Variants in RUFY1 observed in about 807,000 individuals in gnomAD.
RUFY1 encodes the protein RUN and FYVE domain containing 1.
In RUFY1, 54 loss-of-function variants were observed where a neutral mutation model predicts 94.6. The ratio of observed to expected loss-of-function variants is 0.57; its 90% confidence interval spans 0.46 to 0.72. The LOEUF (loss-of-function observed/expected upper bound fraction) is 0.72. Ranked by LOEUF, RUFY1 falls within the 30% of genes least tolerant of loss-of-function variation. RUFY1 has a pLI of 0.00. For synonymous variants in RUFY1, 396 were observed against 347.3 expected (o/e 1.14, Z -1.56); for missense variants, 883 against 883.9 (o/e 1.00, Z 0.01).
intron 3 of RUFY1, 127 bp from the exon 4 acceptor site, chr5:179,567,334 C>T (rs546405436): frequency 4.3e-6 from 3 of 701,136 alleles, no homozygotes; most frequent in Non-Finnish European, 2.5e-6. Context: ...CCCCAAACAG[C>T]CATTCTTAGA....
chr5:179,565,187 TTTTTG>T (rs1762751217), intron 3 of RUFY1, among the ~76,000 whole-genome samples: 1 of 142,786 alleles, frequency 7.0e-6, no homozygotes, highest in Admixed American at 7.1e-5. Flanking sequence ...TTTTTTTTTT[TTTTTG>T]AGACAGAGTC....
intron 8 of RUFY1, chr5:179,589,237 G>C: frequency 3.1e-6 from 1 of 324,468 alleles, no homozygotes; most frequent in Non-Finnish European, 5.8e-6. Context: ...GAACATTCAG[G>C]CTGTTTCTAA....
chr5:179,591,657 G>GA lies in RUFY1; in HGVS notation c.1162dup (p.Thr388AsnfsTer11). 6.2e-7 allele frequency: 1 copy of GA among 1,613,150 alleles called. No homozygotes were observed. Among genetic ancestry groups the GA allele is most frequent in the Non-Finnish European group, 8.5e-7 (1 of 1,179,656 alleles). ...AACAGGATACCAAAGTTGAGCTGGA[G>GA]ACTTACAAGCAAACTCGGCAAGGTC... On this transcript the variant is annotated frameshift_variant, in exon 10 of 18. Transcript: ENST00000319449. LOFTEE classifies it high-confidence loss of function.
chr5:179,574,535 C>A (rs1464983905), intron 5 of RUFY1, among the ~76,000 whole-genome samples: 1 of 152,198 alleles, frequency 6.6e-6, no homozygotes, highest in Non-Finnish European at 1.5e-5. Context: ...CACCCTTATG[C>A]CTTTTTTGGT....
chr5:179,569,547 C>T, intron 5 of RUFY1, 122 bp downstream of exon 5: 1 of 935,574 alleles, frequency 1.1e-6, no homozygotes, highest in Non-Finnish European at 1.7e-6. Context: ...GGTAGAGGAC[C>T]CCAGGGATGC....
intron 15 of RUFY1, 79 bp downstream of exon 15, chr5:179,602,065 T>A: frequency 8.3e-7 from 1 of 1,203,190 alleles, no homozygotes; most frequent in Non-Finnish European, 1.2e-6. Flanking sequence ...CAAACCTACC[T>A]CCTTTTGGCG....
intron 15 of RUFY1, among the ~76,000 whole-genome samples, chr5:179,604,498 G>A (rs1466072688): frequency 6.6e-6 from 1 of 152,168 alleles, no homozygotes; most frequent in East Asian, 1.9e-4. Context: ...TGTTTCTGCA[G>A]CCGGACCAGG....
rs368354140 is a variant in RUFY1 at position 179,601,898 on chromosome 5, C to T, written c.1768C>T (p.Arg590Trp). The T allele has an allele frequency of 6.2e-6, 10 of 1,604,444 alleles. No individual in the cohort carries two copies. The highest frequency in any genetic ancestry group is 1.7e-5 in the Admixed American group (1 of 59,596). Residue 590 changes from arginine to tryptophan, a missense_variant, in exon 15 of 18, where the codon CGG becomes TGG. Transcript: ENST00000319449. ...GTTGGTTTGTTCATTTTAGGAGTTG[C>T]GGGAGCTTCAGGACGAGAAGGCAGA... ...QQVEGLKKELRELQDEKAELQ... is the reference protein window; with the variant it reads ...QQVEGLKKELWELQDEKAELQ...
chr5:179,555,743 T>G (rs1340687735), intron 1 of RUFY1: 1 of 365,082 alleles, frequency 2.7e-6, no homozygotes, highest in Non-Finnish European at 5.4e-6. Context: ...TTCTCCTGCC[T>G]CAGCCTCCCA....
intron 12 of RUFY1, among the ~76,000 whole-genome samples, chr5:179,595,189 T>A (rs76998845): frequency 0.01 from 1,441 of 143,548 alleles, 27 homozygotes; most frequent in African/African-American, 0.032. Flanking sequence ...CTAAAAATAC[T>A]AAAAATTAGG....
intron 1 of RUFY1, chr5:179,555,549 AC>A (rs1170695166): frequency 5.5e-6 from 2 of 360,566 alleles, no homozygotes; most frequent in South Asian, 2.1e-5. Flanking sequence ...AGACAGCACC[AC>A]CCAGCGCTGA....
chr5:179,577,232 C>T (rs1274430097), intron 6 of RUFY1, 96 bp downstream of exon 6: 2 of 788,986 alleles, frequency 2.5e-6, no homozygotes, highest in South Asian at 1.6e-5. Context: ...AGTCCAGTGG[C>T]ACAGTCTTGG....
rs535282543 is a variant in RUFY1 at position 179,606,296 on chromosome 5, C to T, written c.1905+372C>T. On this transcript the variant is annotated intron_variant, in intron 16 of 17. Coordinates refer to ENST00000319449, the MANE Select transcript of RUFY1 (RefSeq NM_025158.5). ...AGGGGCCAGAGGCCAGCCAGCCCCA[C>T]TGCAGTGCCCTGTGCCATTGCTAGG... The T allele has an allele frequency of 1.4e-4, 41 of 284,866 alleles. No individual in the cohort carries two copies. The East Asian group carries it at 4.4e-3, about 31-fold the overall frequency. The allele number at this position is 284,866 out of a possible 1,614,324, so 17.6% of individuals were successfully genotyped here.
intron 10 of RUFY1, 109 bp downstream of exon 10, chr5:179,591,850 A>G: frequency 1.5e-6 from 1 of 670,640 alleles, no homozygotes; most frequent in South Asian, 3.1e-5. Context: ...AGAAAGTCAG[A>G]AGCTGTTCAT....
intron 5 of RUFY1, among the ~76,000 whole-genome samples, chr5:179,574,637 T>C (rs1478584824): frequency 1.3e-5 from 2 of 152,080 alleles, no homozygotes; most frequent in African/African-American, 4.8e-5. Context: ...TCATTTATAA[T>C]TTTTTTAGAA....
intron 1 of RUFY1, among the ~76,000 whole-genome samples, chr5:179,553,647 G>T (rs1320177840): frequency 6.6e-6 from 1 of 151,914 alleles, no homozygotes; most frequent in East Asian, 1.9e-4. Flanking sequence ...AAAATTAGCC[G>T]GGCTTGGTGG....
chr5:179,578,934 G>A (rs1241270942), intron 6 of RUFY1, among the ~76,000 whole-genome samples: 1 of 152,078 alleles, frequency 6.6e-6, no homozygotes, highest in Non-Finnish European at 1.5e-5. Context: ...GTGAGCCACC[G>A]CTCCCGGCCC....
chr5:179,591,646 G>A lies in RUFY1; in HGVS notation c.1150G>A (p.Val384Ile), dbSNP rs75258376. ...SVEITKQDTK[V>I]ELETYKQTRQ... ...ACAGATAACAAAACAGGATACCAAA[G>A]TTGAGCTGGAGACTTACAAGCAAAC... Residue 384 changes from valine to isoleucine, a missense_variant, in exon 10 of 18, where the codon GTT becomes ATT. Coordinates refer to ENST00000319449, the MANE Select transcript of RUFY1 (RefSeq NM_025158.5). 1.3e-3 allele frequency: 2,112 copies of A among 1,612,610 alleles called. 4 individuals carry two copies. The highest frequency in any genetic ancestry group is 1.5e-3 in the Non-Finnish European group (1,744 of 1,179,236).
intron 16 of RUFY1, 34 bp from the exon 17 acceptor site, chr5:179,607,548 G>GA (rs758012049): frequency 1.2e-6 from 2 of 1,601,492 alleles, no homozygotes; most frequent in South Asian, 2.2e-5. Flanking sequence ...GGCTTAGACA[G>GA]AAAGTGGATT....
Sources: gnomAD v4.1 joint callset for allele counts (sites outside exome capture counted in the v4.1 genomes callset) on GRCh38, gnomAD v4.1.1 for gene constraint, MANE v1.5 for transcripts, NCBI Gene and HGNC (gene_info 2026-07-23, HGNC 2026-07-21) for gene names.